The following OXNAD1 variants were observed in gnomAD, a reference collection of about 807,000 sequenced individuals.
OXNAD1 encodes the protein oxidoreductase NAD-binding domain-containing protein 1.
Under a neutral mutation model 32.9 loss-of-function variants are expected in OXNAD1, and 34 were observed. The ratio of observed to expected loss-of-function variants is 1.03; its 90% confidence interval spans 0.79 to 1.38. The LOEUF (loss-of-function observed/expected upper bound fraction) is 1.38. Among genes scored for constraint, OXNAD1 ranks in the 40% most tolerant of loss-of-function variants. The pLI, the probability that OXNAD1 is intolerant of heterozygous loss-of-function variation, is 0.00. For missense variants in OXNAD1, 407 were observed against 379.4 expected (o/e 1.07, Z -0.60); for synonymous variants, 134 against 135.2 (o/e 0.99, Z 0.06).
At chr3:16,342,313 G>A (rs1033579693), downstream of OXNAD1, among the ~76,000 whole-genome samples, 1 of 152,074 alleles carries the variant, frequency 6.6e-6, no homozygotes, top group Non-Finnish European at 1.5e-5. The surrounding 1 kb of genome is among the most constrained non-coding windows in gnomAD (Gnocchi z 4.0). Context: ...TTTTGCAACT[G>A]GCTTCTTTCA....
chr3:16,338,460 T>C (rs1161819086), downstream of OXNAD1, among the ~76,000 whole-genome samples: 1 of 152,250 alleles, frequency 6.6e-6, no homozygotes, highest in Non-Finnish European at 1.5e-5. This position sits in a 1 kb window ranked among gnomAD's most constrained non-coding sequence, Gnocchi z 5.3. Flanking sequence ...GGACCACGTA[T>C]GCAATAGCAC....
intron 6 of OXNAD1, among the ~76,000 whole-genome samples, chr3:16,295,798 T>C (rs1465445947): frequency 2.6e-5 from 4 of 152,216 alleles, no homozygotes; most frequent in Non-Finnish European, 5.9e-5. Context: ...AGTATAAATA[T>C]GGCTTCAAAA....
At chr3:16,291,295 A>G (rs916230197) in intron 5 of OXNAD1, among the ~76,000 whole-genome samples, 35 of 152,248 alleles carry the variant, frequency 2.3e-4, no homozygotes, top group African/African-American at 7.7e-4. Flanking sequence ...ATAAAATTCA[A>G]ACATTTAAAG....
In OXNAD1 at chr3:16,287,692, A is replaced by G. The variant is rs911807359; in HGVS notation, c.290+1244A>G. 1.3e-5 allele frequency among the ~76,000 whole-genome samples: 2 copies of G among 152,190 alleles called. No individual in the cohort carries two copies. Among genetic ancestry groups the G allele is most frequent in the African/African-American group, 4.8e-5 (2 of 41,446 alleles). On this transcript the variant is annotated intron_variant, in intron 5 of 8. Transcript: ENST00000285083. This position sits in a 1 kb window ranked among gnomAD's most constrained non-coding sequence, Gnocchi z 4.8. ...TCAGACCCAGCCTCCTGGTTAGGAA[A>G]AGCCTGTGCATTGGTTATTGTGCTG... is the stretch of plus-strand genomic sequence containing the variant.
rs1553726059 is a variant in OXNAD1 at position 16,345,786 on chromosome 3, C to CTGTGTGTGTGTGTGTGTG, written c.*31-3389_*31-3388insGTGTGTGTGTGTGTGTGT. ...CATGAGCCAAAACCTTATAATAAAT[C>CTGTGTGTGTGTGTGTGTG]TCTGTGTGTGTGTGTGTGTGTGTGT... is the stretch of plus-strand genomic sequence containing the variant. On this transcript the variant is annotated intron_variant, in intron 9 of 9. Transcript: ENST00000606098. This position sits in a 1 kb window ranked among gnomAD's most constrained non-coding sequence, Gnocchi z 5.2. Among the ~76,000 whole-genome samples, 2 of 81,552 alleles carry CTGTGTGTGTGTGTGTGTG rather than the reference C, an allele frequency of 2.5e-5. No homozygotes were observed. The highest frequency in any genetic ancestry group is 8.2e-3 in the Middle Eastern group (1 of 122). 53.5% of individuals were successfully genotyped at this position (81,552 alleles called of 152,430 possible).
downstream of OXNAD1, among the ~76,000 whole-genome samples, chr3:16,307,090 A>T (rs2067612895): frequency 1.3e-5 from 2 of 152,252 alleles, no homozygotes; most frequent in African/African-American, 4.8e-5. Context: ...ATGAGTCTGT[A>T]AAGAAATGGC....
At chr3:16,313,623 T>G (rs2068125355) in intron 9 of OXNAD1, 1 of 152,076 alleles carries the variant, frequency 6.6e-6, no homozygotes, top group Non-Finnish European at 1.5e-5. Flanking sequence ...CTCACAAAAA[T>G]CCAAAGAGGT....
At position 16,324,105 on chromosome 3, in the gene OXNAD1, G is replaced by GT. The variant is rs560856336; in HGVS notation, c.*31-12997dup. 2.2e-3 allele frequency among the ~76,000 whole-genome samples: 206 copies of GT among 93,734 alleles called. 1 individual carries two copies. Among genetic ancestry groups the GT allele is most frequent in the African/African-American group, 5.4e-3 (183 of 34,000 alleles). 61.5% of individuals were successfully genotyped at this position (93,734 alleles called of 152,430 possible). A position where few individuals can be genotyped will look rare whatever the true frequency, so the allele number is the denominator to read the frequency against. On this transcript the variant is annotated intron_variant, in intron 9 of 9. Coordinates refer to the OXNAD1 transcript ENST00000435829. ...TAGAAGTATTGTAAAGAAGATCACT[G>GT]TTTTTTTTTTCCCCTGCTTCCACCC...
At chr3:16,282,336 T>C (rs888761745) in intron 4 of OXNAD1, among the ~76,000 whole-genome samples, 1 of 150,446 alleles carries the variant, frequency 6.6e-6, no homozygotes, top group Non-Finnish European at 1.5e-5. Flanking sequence ...CTGGATTTTC[T>C]GTAGTGTTCT....
chr3:16,315,251 G>GATTACA (rs1316377840), intron 9 of OXNAD1, among the ~76,000 whole-genome samples: 1 of 152,158 alleles, frequency 6.6e-6, no homozygotes, highest in African/African-American at 2.4e-5. Context: ...GAGTAGCTGA[G>GATTACA]ATTACAAGCA....
At chr3:16,326,712 G>T in intron 9 of OXNAD1, 1 of 1,294,502 alleles carries the variant, frequency 7.7e-7, no homozygotes. Context: ...TGCTCATTAG[G>T]AACAGTGACT....
downstream of OXNAD1, among the ~76,000 whole-genome samples, chr3:16,309,607 G>A (rs1310148524): frequency 1.4e-3 from 4 of 2,870 alleles, 2 homozygotes; most frequent in Non-Finnish European, 2.5e-3. Context: ...TGATTGTTCC[G>A]TAGGCCTGTC....
Position 16,337,086 on chromosome 3 carries a change from C to T in OXNAD1, c.*31-26C>T, listed in dbSNP as rs1318774142. On this transcript the variant is annotated intron_variant, in intron 9 of 9. Coordinates refer to the OXNAD1 transcript ENST00000435829. This position sits in a 1 kb window ranked among gnomAD's most constrained non-coding sequence, Gnocchi z 5.0. ...CATCCTGAACCTAGGCCTCAAGGAG[C>T]CTTGCTGTTTCTGCTCACTCTCCAG... 1 of 152,210 alleles carries T rather than the reference C, an allele frequency of 6.6e-6. No individual in the cohort carries two copies. The highest frequency in any genetic ancestry group is 1.5e-5 in the Non-Finnish European group (1 of 68,078). The allele number at this position is 152,210 out of a possible 1,614,324, so 9.4% of individuals were successfully genotyped here.
In OXNAD1 at chr3:16,345,264, T is replaced by TTTGTGTGTGTGTGTGTGTGTGTGTGTGTG. The variant is rs1491581919; in HGVS notation, c.*31-3911_*31-3910insTGTGTGTGTGTGTGTGTGTGTGTGTGTGT. ...AAACTGTAAGATAATAAGTAGGTGGTTGTGTGTGTGTGTGTGTGTGTGTGT... is the reference window on the plus strand; with the variant it reads ...AAACTGTAAGATAATAAGTAGGTGGTTTGTGTGTGTGTGTGTGTGTGTGTGTGTGTGTGTGTGTGTGTGTGTGTGTGTGT... On this transcript the variant is annotated intron_variant, in intron 9 of 9. Transcript: ENST00000606098. The surrounding 1 kb of genome is among the most constrained non-coding windows in gnomAD (Gnocchi z 5.2). 1.3e-3 allele frequency: 197 copies of TTTGTGTGTGTGTGTGTGTGTGTGTGTGTG among 145,930 alleles called. 1 individual carries two copies. Among genetic ancestry groups the TTTGTGTGTGTGTGTGTGTGTGTGTGTGTG allele is most frequent in the African/African-American group, 4.8e-3 (181 of 37,852 alleles). The allele number at this position is 145,930 out of a possible 1,614,324, so 9.0% of individuals were successfully genotyped here.
Position 16,329,921 on chromosome 3 carries a change from C to T in OXNAD1, c.*31-7191C>T, listed in dbSNP as rs1484850477. ...TTTTCTCTGCGGGCACCCAGAGCTGCGAGACAATGAACGACCCCTGCTGCA... is the reference window on the plus strand; with the variant it reads ...TTTTCTCTGCGGGCACCCAGAGCTGTGAGACAATGAACGACCCCTGCTGCA... On this transcript the variant is annotated intron_variant, in intron 9 of 9. Coordinates refer to the OXNAD1 transcript ENST00000435829. This position sits in a 1 kb window ranked among gnomAD's most constrained non-coding sequence, Gnocchi z 4.5. Among the ~76,000 whole-genome samples the T allele has an allele frequency of 2.6e-5, 4 of 152,182 alleles. No homozygotes were observed. Among genetic ancestry groups the T allele is most frequent in the South Asian group, 2.1e-4 (1 of 4,818 alleles).
At position 16,280,512 on chromosome 3, in the gene OXNAD1, C is replaced by T. The variant is rs1462717028; in HGVS notation, c.184-5830C>T. On this transcript the variant is annotated intron_variant, in intron 4 of 8. Transcript: ENST00000285083. The surrounding 1 kb of genome is among the most constrained non-coding windows in gnomAD (Gnocchi z 4.5). ...CTCTGCTACCATTTAAATAATGTCT[C>T]TGGGTCTCGGTGTCTTTGTGTGTAA... Among the ~76,000 whole-genome samples, 5 of 151,908 alleles carry T rather than the reference C, an allele frequency of 3.3e-5. No individual in the cohort carries two copies. The highest frequency in any genetic ancestry group is 4.4e-5 in the Non-Finnish European group (3 of 67,972).
chr3:16,270,794 T>G, intron 2 of OXNAD1, 151 bp from the exon 3 acceptor site: 1 of 1,090,934 alleles, frequency 9.2e-7, no homozygotes, highest in African/African-American at 1.6e-5. Context: ...TTTGTCAAGG[T>G]GAAGTTAGGC....
rs982328294 is a variant in OXNAD1, at chr3:16,265,477, A to G, written c.-187A>G. On this transcript the variant is annotated 5_prime_UTR_variant, in exon 1 of 9. Coordinates refer to ENST00000285083, the MANE Select transcript of OXNAD1 (RefSeq NM_138381.5). This position sits in a 1 kb window ranked among gnomAD's most constrained non-coding sequence, Gnocchi z 4.8. ...ACCGAGTGACCTTGAGCCCAGGGCG[A>G]CGGTCAGCTTGTTAATTCCTGGCTG... 1.3e-5 allele frequency: 2 copies of G among 153,024 alleles called. No homozygotes were observed. Among genetic ancestry groups the G allele is most frequent in the Non-Finnish European group, 2.9e-5 (2 of 68,510 alleles). The allele number at this position is 153,024 out of a possible 1,614,324, so 9.5% of individuals were successfully genotyped here. A position where few individuals can be genotyped will look rare whatever the true frequency, so the allele number is the denominator to read the frequency against.
At position 16,287,134 on chromosome 3, in the gene OXNAD1, A is replaced by G. The variant is rs1394287988; in HGVS notation, c.290+686A>G. Reference sequence around the variant, plus strand: ...CCTCCCTGAGCTTCAATTCAAGTTCAATTGTAAGGAAAGCAACTTGAATTT... The same window carrying G: ...CCTCCCTGAGCTTCAATTCAAGTTCGATTGTAAGGAAAGCAACTTGAATTT... On this transcript the variant is annotated intron_variant, in intron 5 of 8. Transcript: ENST00000285083. This position sits in a 1 kb window ranked among gnomAD's most constrained non-coding sequence, Gnocchi z 4.8. Among the ~76,000 whole-genome samples, 1 of 152,154 alleles carries G rather than the reference A, an allele frequency of 6.6e-6. No individual in the cohort carries two copies. The highest frequency in any genetic ancestry group is 1.5e-5 in the Non-Finnish European group (1 of 68,034).
Sources: gnomAD v4.1 joint callset for allele counts (sites outside exome capture counted in the v4.1 genomes callset) on GRCh38, gnomAD v4.1.1 for gene constraint, Gnocchi (gnomAD v3.1) non-coding constraint, MANE v1.5 for transcripts, NCBI Gene and HGNC (gene_info 2026-07-23, HGNC 2026-07-21) for gene names.